CPVL: variants seen among roughly 807,000 people sequenced by gnomAD.
CPVL encodes the protein probable serine carboxypeptidase CPVL.
Under a neutral mutation model 63.7 loss-of-function variants are expected in CPVL, and 51 were observed. The ratio of observed to expected loss-of-function variants is 0.80; its 90% CI spans 0.64 to 1.01. The LOEUF (loss-of-function observed/expected upper bound fraction) is 1.01. Among genes scored for constraint, CPVL ranks in the 50% least tolerant of loss-of-function variants. The probability of loss-of-function intolerance (pLI) is 0.00; values close to 1 mark genes in which losing one functional copy is unlikely to be tolerated. For missense variants in CPVL, 530 were observed against 573.1 expected, an observed-to-expected ratio of 0.92 and a Z score of 0.77; for synonymous variants, 195 against 206.0, an observed-to-expected ratio of 0.95 and a Z score of 0.46.
At chr7:29,042,197 T>G (rs1479755560) in intron 11 of CPVL, among the ~76,000 whole-genome samples, 1 of 152,170 alleles carries the variant, frequency 6.6e-6, no homozygotes, top group Admixed American at 6.5e-5. Context: ...ACTCCCATAA[T>G]AGCTATCATT....
At chr7:29,089,536 G>C (rs1785552996) in intron 6 of CPVL, among the ~76,000 whole-genome samples, 1 of 152,152 alleles carries the variant, frequency 6.6e-6, no homozygotes. Context: ...AGCTAAGACA[G>C]GGCCTGGGCG....
At chr7:29,181,893 G>A (rs915792532) in intron 4 of CPVL, among the ~76,000 whole-genome samples, 4 of 152,152 alleles carry the variant, frequency 2.6e-5, no homozygotes, top group African/African-American at 4.8e-5. Flanking sequence ...TTTATTCATG[G>A]TGGAGGGAAT....
At chr7:29,032,008 C>T (rs575426090) in intron 11 of CPVL, among the ~76,000 whole-genome samples, 9 of 152,126 alleles carry the variant, frequency 5.9e-5, no homozygotes, top group East Asian at 5.8e-4. Flanking sequence ...TCTACTCTTA[C>T]GCTACTTTTA....
chr7:29,092,869 T>C (rs1190091654), intron 5 of CPVL, among the ~76,000 whole-genome samples, 167 bp from the exon 6 acceptor site: 1 of 152,126 alleles, frequency 6.6e-6, no homozygotes, highest in Non-Finnish European at 1.5e-5. Flanking sequence ...AGGAGGATGC[T>C]AGGTGCCACC....
chr7:29,178,558 G>A (rs1797661648), intron 5 of CPVL, among the ~76,000 whole-genome samples: 1 of 152,066 alleles, frequency 6.6e-6, no homozygotes. Flanking sequence ...CTGACATGCT[G>A]TTTTATGTTC....
At position 29,102,968 on chromosome 7, in the gene CPVL, A is replaced by T. The variant is rs1787311549; in HGVS notation, c.289-6751T>A. Among the ~76,000 whole-genome samples the T allele has an allele frequency of 2.0e-5, 3 of 152,238 alleles. No individual in the cohort carries two copies. In the South Asian group the frequency reaches 6.2e-4, roughly 32 times the overall value. On this transcript the variant is annotated intron_variant, in intron 3 of 12. Coordinates refer to ENST00000265394, the MANE Select transcript of CPVL (RefSeq NM_031311.5). ...AAAGAAAGTGAAACTCATTGAAACA[A>T]AACTAGTACTAAATCCTGTCTGCCC...
chr7:29,098,266 G>T (rs927436384), intron 3 of CPVL, among the ~76,000 whole-genome samples: 6 of 152,160 alleles, frequency 3.9e-5, no homozygotes, highest in Admixed American at 3.9e-4. Flanking sequence ...CCTGCAGGAA[G>T]AGCTGAGCAG....
At position 29,194,436 on chromosome 7, in the gene CPVL, G is replaced by T. The variant is rs368929534; in HGVS notation, c.-448+641C>A. On this transcript the variant is annotated intron_variant, in intron 1 of 16. Transcript: ENST00000409850. ...CTTCTTCCTTTGTGTGTGCGCGAGC[G>T]GAGTTGGGGCGGAGGGAGAAGGGGG... The T allele has an allele frequency of 3.4e-3, 527 of 153,338 alleles. 3 individuals carry two copies. Among genetic ancestry groups the T allele is most frequent in the African/African-American group, 0.012 (494 of 41,640 alleles). 9.5% of individuals were successfully genotyped at this position (153,338 alleles called of 1,614,324 possible). A position where few individuals can be genotyped will look rare whatever the true frequency, so the allele number is the denominator to read the frequency against.
chr7:29,181,440 T>C (rs987167110), intron 4 of CPVL: 2 of 152,198 alleles, frequency 1.3e-5, no homozygotes, highest in African/African-American at 4.8e-5. Flanking sequence ...AAGGCACATA[T>C]AGATTTATGT....
chr7:29,150,851 C>T (rs1392729171), upstream of CPVL, among the ~76,000 whole-genome samples: 1 of 152,156 alleles, frequency 6.6e-6, no homozygotes, highest in East Asian at 1.9e-4. Flanking sequence ...AATGTCACAG[C>T]CCCCATGCAC....
intron 11 of CPVL, 97 bp downstream of exon 11, chr7:29,063,964 G>GGCACATTAAAGGCACACA: frequency 1.3e-6 from 1 of 755,644 alleles, no homozygotes; most frequent in Non-Finnish European, 2.1e-6. Flanking sequence ...CATCATAAAA[G>GGCACATTAAAGGCACACA]TTAAAAAAAA....
intron 3 of CPVL, among the ~76,000 whole-genome samples, chr7:29,100,300 T>C (rs1197256161): frequency 2.6e-5 from 4 of 152,204 alleles, no homozygotes; most frequent in Admixed American, 1.3e-4. Context: ...GCTTTTCTCT[T>C]TTGGAGAGTA....
intron 1 of CPVL, chr7:29,126,246 T>C (rs997422158): frequency 1.3e-5 from 2 of 152,222 alleles, no homozygotes; most frequent in Non-Finnish European, 2.9e-5. Context: ...GTAATCTTGT[T>C]GGTAGCTTGA....
intron 11 of CPVL, among the ~76,000 whole-genome samples, chr7:29,030,998 G>C (rs1229582706): frequency 1.3e-5 from 2 of 152,140 alleles, no homozygotes; most frequent in Non-Finnish European, 2.9e-5. Context: ...CATTTGTGTT[G>C]TATTACTCAG....
intron 3 of CPVL, among the ~76,000 whole-genome samples, chr7:29,111,574 G>A (rs905338072): frequency 6.6e-6 from 1 of 152,212 alleles, no homozygotes; most frequent in Non-Finnish European, 1.5e-5. Context: ...AAGACGACAG[G>A]CTGACGGCTA....
At chr7:28,996,881 GTT>G (rs1279506203) in intron 12 of CPVL, among the ~76,000 whole-genome samples, 1 of 152,158 alleles carries the variant, frequency 6.6e-6, no homozygotes, top group African/African-American at 2.4e-5. Context: ...TTCAACATGT[GTT>G]TACAGATTTT....
intron 12 of CPVL, among the ~76,000 whole-genome samples, chr7:29,028,822 G>A (rs11765945): frequency 0.013 from 1,967 of 152,048 alleles, 24 homozygotes; most frequent in Non-Finnish European, 0.018. Flanking sequence ...AAACTTAGCC[G>A]GGTGTGGTGG....
intron 12 of CPVL, among the ~76,000 whole-genome samples, chr7:29,028,882 G>A (rs1188192834): frequency 2.7e-5 from 4 of 150,030 alleles, no homozygotes; most frequent in Non-Finnish European, 4.4e-5. Context: ...GGAGAATGGC[G>A]CGAACCGGTG....
intron 3 of CPVL, among the ~76,000 whole-genome samples, chr7:29,111,367 T>C (rs1481620853): frequency 6.6e-6 from 1 of 152,214 alleles, no homozygotes; most frequent in Non-Finnish European, 1.5e-5. Flanking sequence ...TGGCTCCCAG[T>C]TGGGCTCTAC....
Sources: allele counts gnomAD v4.1 joint callset (sites outside exome capture counted in the v4.1 genomes callset), GRCh38; gene constraint gnomAD v4.1.1; transcripts MANE v1.5; gene names NCBI Gene and HGNC (gene_info 2026-07-23, HGNC 2026-07-21).